The following USH2A variants were observed in gnomAD, a reference collection of about 807,000 sequenced individuals.
The protein encoded by USH2A is Usher syndrome 2A (autosomal recessive, mild).
USH2A carries 443 observed loss-of-function variants against 538.9 expected under a neutral mutation model. The observed-to-expected ratio is 0.82, with a 90% confidence interval of 0.76 to 0.89. USH2A has a LOEUF of 0.89. Ranked by LOEUF, USH2A falls within the 40% of genes least tolerant of loss-of-function variation. The pLI is 0.00. For missense variants in USH2A, 6,633 were observed against 6,324.8 expected (o/e 1.05, Z -1.65); for synonymous variants, 2,413 against 2,273.5 (o/e 1.06, Z -1.75).
At chr1:216,148,184 G>A (rs2033752589) in intron 21 of USH2A, among the ~76,000 whole-genome samples, 1 of 151,736 alleles carries the variant, frequency 6.6e-6, no homozygotes, top group Non-Finnish European at 1.5e-5. Context: ...CTCCATAACT[G>A]TTGTGGGTAT....
chr1:216,314,697 T>A (rs2037476347), intron 9 of USH2A, among the ~76,000 whole-genome samples: 1 of 152,164 alleles, frequency 6.6e-6, no homozygotes, highest in Admixed American at 6.5e-5. Context: ...TATAAAAAGT[T>A]TCAAGCTGGC....
At chr1:216,345,547 T>C (rs1002205366) in intron 4 of USH2A, among the ~76,000 whole-genome samples, 9 of 152,138 alleles carry the variant, frequency 5.9e-5, no homozygotes, top group African/African-American at 2.2e-4. Flanking sequence ...CTGTGCAAAC[T>C]AGTTCAAAGA....
At position 216,198,457 on chromosome 1, in the gene USH2A, A is replaced by G; in HGVS notation, c.3939T>C (p.Asn1313=). The change falls in exon 18 of 72, where the codon AAT becomes AAC. Residue 1313 remains asparagine, a synonymous_variant. Transcript: ENST00000307340. Reference sequence around the variant, plus strand: ...TTTGAGGAGGTTTTAATGCATTTTCATTGGCCGATTCTACAAATGAATGAG... The same window carrying G: ...TTTGAGGAGGTTTTAATGCATTTTCGTTGGCCGATTCTACAAATGAATGAG... ...LSPHSFVESA[N]ENALKPPQTM... The G allele has an allele frequency of 6.2e-7, 1 of 1,614,006 alleles. No homozygotes were observed. The highest frequency in any genetic ancestry group is 8.5e-7 in the Non-Finnish European group (1 of 1,179,966).
chr1:215,963,158 T>A (rs1386027604), intron 37 of USH2A, among the ~76,000 whole-genome samples: 1 of 152,144 alleles, frequency 6.6e-6, no homozygotes, highest in African/African-American at 2.4e-5. Flanking sequence ...GACAATTCAA[T>A]AAGCTTTGTA....
At chr1:215,987,072 T>C (rs1026397687) in intron 35 of USH2A, among the ~76,000 whole-genome samples, 2 of 152,208 alleles carry the variant, frequency 1.3e-5, no homozygotes, top group African/African-American at 4.8e-5. Flanking sequence ...CATATTCTAA[T>C]TAGTTTAAAA....
At chr1:215,788,021 C>G (rs775043871) in intron 51 of USH2A, among the ~76,000 whole-genome samples, 3 of 151,714 alleles carry the variant, frequency 2.0e-5, no homozygotes, top group Non-Finnish European at 4.4e-5. Flanking sequence ...TAGAATCCCA[C>G]TATATATATA....
At position 216,418,592 on chromosome 1, in the gene USH2A, T is replaced by C. The variant is rs73102592; in HGVS notation, c.573A>G (p.Val191=). 7,473 of 1,613,368 alleles carry C rather than the reference T, an allele frequency of 4.6e-3. 167 individuals are homozygous for C. The African/African-American group carries it at 0.061, about 13-fold the overall frequency. ...CTTTTATTGGAGGTTGCAAACCATT[T>C]ACTGTGCGATAATAAAACATGGTCT... ...EKETMFYYRT[V]NGLQPPIKVM... Residue 191 remains valine (V), a synonymous_variant, in exon 3 of 72, where the codon GTA becomes GTG. Coordinates refer to ENST00000307340, the MANE Select transcript of USH2A (RefSeq NM_206933.4).
At chr1:216,293,256 C>G (rs2037041409) in intron 9 of USH2A, among the ~76,000 whole-genome samples, 1 of 152,176 alleles carries the variant, frequency 6.6e-6, no homozygotes, top group African/African-American at 2.4e-5. Context: ...GATCTCCTGA[C>G]CTCGTGTTCT....
chr1:216,038,348 C>A (rs2030092401), intron 32 of USH2A, among the ~76,000 whole-genome samples: 1 of 151,992 alleles, frequency 6.6e-6, no homozygotes, highest in Non-Finnish European at 1.5e-5. Flanking sequence ...TTGTTTCAGA[C>A]TGATGTCTTA....
chr1:215,819,101 A>G (rs1488951020), intron 47 of USH2A, among the ~76,000 whole-genome samples: 7 of 151,912 alleles, frequency 4.6e-5, no homozygotes, highest in Admixed American at 4.6e-4. Context: ...CGTACATTTT[A>G]CATATAAAGC....
intron 64 of USH2A, among the ~76,000 whole-genome samples, chr1:215,657,958 C>T (rs1248819550): frequency 7.5e-6 from 1 of 133,036 alleles, no homozygotes; most frequent in Non-Finnish European, 1.6e-5. Context: ...GAGACAGAGT[C>T]TCTCTCTCTC....
intron 32 of USH2A, among the ~76,000 whole-genome samples, chr1:216,031,544 T>G (rs542933548): frequency 6.6e-6 from 1 of 152,178 alleles, no homozygotes. Flanking sequence ...TTGCATTTAG[T>G]GTTCTAACCC....
At chr1:215,888,203 A>G (rs1466512458) in intron 41 of USH2A, among the ~76,000 whole-genome samples, 1 of 152,218 alleles carries the variant, frequency 6.6e-6, no homozygotes, top group Non-Finnish European at 1.5e-5. Context: ...GTGCGAGGCA[A>G]ATGGAAGCAT....
At chr1:216,238,898 C>T (rs1181039307) in intron 13 of USH2A, among the ~76,000 whole-genome samples, 1 of 152,108 alleles carries the variant, frequency 6.6e-6, no homozygotes, top group Non-Finnish European at 1.5e-5. Flanking sequence ...GCTCACACAC[C>T]AGCATGCTGT....
chr1:215,923,706 G>A (rs1666160053), intron 38 of USH2A, among the ~76,000 whole-genome samples: 1 of 151,990 alleles, frequency 6.6e-6, no homozygotes, highest in South Asian at 2.1e-4. Context: ...AAGGTATGCT[G>A]GGTGCAAAAA....
At chr1:216,332,527 G>GA (rs1298039748) in intron 4 of USH2A, among the ~76,000 whole-genome samples, 4 of 152,124 alleles carry the variant, frequency 2.6e-5, no homozygotes, top group African/African-American at 9.6e-5. Flanking sequence ...AAAGACCTGA[G>GA]AAAGTCCTAA....
At chr1:215,650,850 TG>T in intron 64 of USH2A, 49 bp from the exon 65 acceptor site, 40 of 1,387,064 alleles carry the variant, frequency 2.9e-5, no homozygotes, top group Admixed American at 4.9e-5. Flanking sequence ...ACCCTAAGGC[TG>T]GGAAAAAAAA....
At position 216,014,239 on chromosome 1, in the gene USH2A, G is replaced by A. The variant is rs370745137; in HGVS notation, c.6326-13677C>T. Among the ~76,000 whole-genome samples, 189 of 152,190 alleles carry A rather than the reference G, an allele frequency of 1.2e-3. 1 individual carries two copies. Among genetic ancestry groups the A allele is most frequent in the African/African-American group, 4.2e-3 (174 of 41,528 alleles). ...AGGAGGCATCAGGTTGGGCGTGGGG[G>A]GAAGGAGTAGTCATGTGTAAAATGT... On this transcript the variant is annotated intron_variant, in intron 32 of 71. Coordinates refer to ENST00000307340, the MANE Select transcript of USH2A (RefSeq NM_206933.4).
intron 32 of USH2A, 23 bp downstream of exon 32, chr1:216,046,408 G>C (rs889380484): frequency 6.2e-7 from 1 of 1,612,590 alleles, no homozygotes; most frequent in Non-Finnish European, 8.5e-7. Flanking sequence ...ATAACAATTC[G>C]CTGATAACTC....
Sources: gnomAD v4.1 joint callset for allele counts (sites outside exome capture counted in the v4.1 genomes callset) on GRCh38, gnomAD v4.1.1 for gene constraint, MANE v1.5 for transcripts, NCBI Gene and HGNC (gene_info 2026-07-23, HGNC 2026-07-21) for gene names.